IL7: variants seen among roughly 807,000 people sequenced by gnomAD.
The protein encoded by IL7 is interleukin 7.
A neutral mutation model predicts 21.6 loss-of-function variants in IL7; 3 were observed. That is an observed-to-expected ratio of 0.14 (90% CI 0.06 to 0.36). The LOEUF (loss-of-function observed/expected upper bound fraction) is 0.36, where lower values mean the gene tolerates loss of function less well. Among genes scored for constraint, IL7 ranks in the 10% least tolerant of loss-of-function variants. The probability of loss-of-function intolerance (pLI) is 1.00; values close to 1 mark genes in which losing one functional copy is unlikely to be tolerated. For synonymous variants in IL7, 62 were observed against 68.1 expected, an observed-to-expected ratio of 0.91 and a Z score of 0.44; for missense variants, 175 against 200.2, an observed-to-expected ratio of 0.87 and a Z score of 0.76.
rs532997856 is a variant in IL7, at chr8:78,690,538, C to T, written n.215-4591G>A. 4.3e-3 allele frequency among the ~76,000 whole-genome samples: 633 copies of T among 147,378 alleles called. 2 individuals carry two copies. The highest frequency in any genetic ancestry group is 0.015 in the African/African-American group (581 of 39,756). Reference sequence around the variant, plus strand: ...TCATGCCACTGCACTCCAGCTTGGGCGACAGAGCAAGAGACTGTCTCAAAA... The same window carrying T: ...TCATGCCACTGCACTCCAGCTTGGGTGACAGAGCAAGAGACTGTCTCAAAA... On this transcript the variant is annotated intron_variant and non_coding_transcript_variant, in intron 3 of 4. Transcript: ENST00000523959.
rs529498071 is a variant in IL7 at position 78,772,565 on chromosome 8, T to A, written c.147+25507A>T. On this transcript the variant is annotated intron_variant, in intron 2 of 5. Coordinates refer to ENST00000263851, the MANE Select transcript of IL7 (RefSeq NM_000880.4). ...TGGCACAGTAAGTCCTCATCTAACA[T>A]CACGGATAGGTTCTTGGAAACTGCG... is the stretch of plus-strand genomic sequence containing the variant. Among the ~76,000 whole-genome samples the A allele has an allele frequency of 7.2e-5, 11 of 152,220 alleles. No homozygotes were observed. In the East Asian group the frequency reaches 1.5e-3, roughly 21 times the overall value.
chr8:78,762,446 C>A, intron 2 of IL7: 3 of 1,573,938 alleles, frequency 1.9e-6, no homozygotes, highest in Non-Finnish European at 2.6e-6. Context: ...GCCCGCCCGC[C>A]GGCCGGTCCA....
At chr8:78,775,171 TG>T (rs1308670845) in intron 2 of IL7, among the ~76,000 whole-genome samples, 1 of 152,104 alleles carries the variant, frequency 6.6e-6, no homozygotes, top group Non-Finnish European at 1.5e-5. Flanking sequence ...AATCCAGGTG[TG>T]GTTATATAAG....
At chr8:78,707,986 CA>C (rs1313935409) in intron 3 of IL7, among the ~76,000 whole-genome samples, 1 of 151,698 alleles carries the variant, frequency 6.6e-6, no homozygotes, top group African/African-American at 2.4e-5. Context: ...CCTAGGCTAA[CA>C]AAAAATTTTT....
chr8:78,772,663 C>T (rs1413912119), intron 2 of IL7, among the ~76,000 whole-genome samples: 2 of 152,114 alleles, frequency 1.3e-5, no homozygotes, highest in Admixed American at 6.6e-5. Context: ...AGTTAAGATC[C>T]TGTGGCATAT....
In IL7 at chr8:78,761,925, A is replaced by G. The variant is rs1812574672; in HGVS notation, c.148-21843T>C. ...ATCAGAATCAAGATTTCAAGTAGATATTTGAGGTATTCTTTGTTTTCCTTC... is the reference window on the plus strand; with the variant it reads ...ATCAGAATCAAGATTTCAAGTAGATGTTTGAGGTATTCTTTGTTTTCCTTC... On this transcript the variant is annotated intron_variant, in intron 2 of 5. Transcript: ENST00000263851. 1.9e-6 allele frequency: 3 copies of G among 1,611,400 alleles called. No individual in the cohort carries two copies. In the Admixed American group the frequency reaches 5.0e-5, roughly 27 times the overall value.
chr8:78,732,302 G>A (rs1811439745), downstream of IL7, among the ~76,000 whole-genome samples: 1 of 152,148 alleles, frequency 6.6e-6, no homozygotes, highest in Non-Finnish European at 1.5e-5. Flanking sequence ...GTATGGAAGT[G>A]TATACAATTC....
At chr8:78,762,056 T>C in intron 2 of IL7, 1 of 1,603,728 alleles carries the variant, frequency 6.2e-7, no homozygotes, top group Non-Finnish European at 8.5e-7. Flanking sequence ...TTGTTCCTGC[T>C]CAGAAGTTTC....
intron 2 of IL7, 128 bp downstream of exon 2, chr8:78,797,944 A>T (rs1215292488): frequency 3.1e-6 from 2 of 643,844 alleles, no homozygotes; most frequent in African/African-American, 3.7e-5. Context: ...TAGCTCATTA[A>T]ATTTTATTCT....
intron 2 of IL7, among the ~76,000 whole-genome samples, chr8:78,745,596 T>A (rs1407364565): frequency 6.6e-6 from 1 of 152,252 alleles, no homozygotes; most frequent in Non-Finnish European, 1.5e-5. Flanking sequence ...TTTGTGTTAA[T>A]TCATTTGTTC....
chr8:78,676,947 A>G (rs1431675185), intron 4 of IL7, among the ~76,000 whole-genome samples: 4 of 152,082 alleles, frequency 2.6e-5, no homozygotes, highest in Non-Finnish European at 5.9e-5. Flanking sequence ...TTAATAAGGA[A>G]CATATGTACA....
At chr8:78,729,687 T>C (rs1338274093), downstream of IL7, among the ~76,000 whole-genome samples, 1 of 151,976 alleles carries the variant, frequency 6.6e-6, no homozygotes, top group Non-Finnish European at 1.5e-5. Flanking sequence ...GACTTTTACC[T>C]CACATGATTG....
chr8:78,691,757 G>A lies in IL7; in HGVS notation n.215-5810C>T, dbSNP rs116874370. ...CTCTAGGAATAAAAAATGCATCTTT[G>A]ACTTACCCATATCTATGGATATTTT... On this transcript the variant is annotated intron_variant and non_coding_transcript_variant, in intron 3 of 4. Coordinates refer to the IL7 transcript ENST00000523959. Among the ~76,000 whole-genome samples the A allele has an allele frequency of 5.2e-3, 790 of 151,904 alleles. 12 individuals carry two copies. The East Asian group carries it at 0.065, about 12-fold the overall frequency.
chr8:78,724,031 C>A, intron 3 of IL7: 1 of 167,112 alleles, frequency 6.0e-6, no homozygotes. Context: ...CCAGCCCAAA[C>A]TCACTGGTTG....
intron 2 of IL7, among the ~76,000 whole-genome samples, chr8:78,775,634 A>C (rs750748148): frequency 3.9e-5 from 6 of 152,144 alleles, no homozygotes; most frequent in Non-Finnish European, 7.4e-5. Context: ...CTCTGACCAA[A>C]GCATTTCATT....
intron 2 of IL7, among the ~76,000 whole-genome samples, chr8:78,777,729 A>G (rs1286432372): frequency 2.0e-5 from 3 of 152,122 alleles, no homozygotes; most frequent in African/African-American, 7.2e-5. Context: ...AAAAAGAAAC[A>G]TGCCATACTC....
At position 78,798,174 on chromosome 8, in the gene IL7, CA is replaced by C; in HGVS notation, c.44del (p.Leu15ArgfsTer8). On this transcript the variant is annotated frameshift_variant, in exon 2 of 6. Coordinates refer to ENST00000263851, the MANE Select transcript of IL7 (RefSeq NM_000880.4). LOFTEE classifies it high-confidence loss of function. ...ATGCTACTGGCAACAGAACAAGGAT[CA>C]GGGGAGGAAGTCCAAAGATATACCT... The part of the protein sequence containing the change: ...SFRYIFGLPP[L>X]ILVLLPVASS... 6.2e-7 allele frequency: 1 copy of C among 1,611,530 alleles called. No individual in the cohort carries two copies. Among genetic ancestry groups the C allele is most frequent in the Non-Finnish European group, 8.5e-7 (1 of 1,178,078 alleles).
intron 2 of IL7, among the ~76,000 whole-genome samples, chr8:78,793,628 C>G (rs1813765557): frequency 6.6e-6 from 1 of 152,118 alleles, no homozygotes; most frequent in Non-Finnish European, 1.5e-5. Flanking sequence ...TGGATGCTGA[C>G]TGATCAGAGT....
chr8:78,778,250 G>A (rs563169897), intron 2 of IL7, among the ~76,000 whole-genome samples: 1 of 152,124 alleles, frequency 6.6e-6, no homozygotes, highest in South Asian at 2.1e-4. Context: ...AAATTGCATG[G>A]AAAGGCAGGA....
Sources: allele counts gnomAD v4.1 joint callset (sites outside exome capture counted in the v4.1 genomes callset), GRCh38; gene constraint gnomAD v4.1.1; transcripts MANE v1.5; gene names NCBI Gene and HGNC (gene_info 2026-07-23, HGNC 2026-07-21).